PRIM2: variants seen among roughly 807,000 people sequenced by gnomAD.
The protein encoded by PRIM2 is DNA primase subunit 2.
Under a neutral mutation model 67.3 loss-of-function variants are expected in PRIM2, and 39 were observed. The observed-to-expected ratio is 0.58, with a 90% CI of 0.45 to 0.76. PRIM2 has a LOEUF of 0.76. Among genes scored for constraint, PRIM2 ranks in the 30% least tolerant of loss-of-function variants. PRIM2 has a pLI of 0.00. For synonymous variants in PRIM2, 143 were observed against 198.7 expected (o/e 0.72, Z 2.36); for missense variants, 398 against 598.7 (o/e 0.66, Z 3.50).
chr6:57,248,052 A>C, the PRIM2 span, among the ~76,000 whole-genome samples: 2 of 152,324 alleles, frequency 1.3e-5, no homozygotes, highest in African/African-American at 4.8e-5. Flanking sequence ...TCACGTGAGG[A>C]ATTAAGGAGT....
At chr6:57,373,220 TG>T (rs966381181) in intron 5 of PRIM2, among the ~76,000 whole-genome samples, 14 of 151,318 alleles carry the variant, frequency 9.3e-5, no homozygotes, top group African/African-American at 3.2e-4. Context: ...TCACTGACAT[TG>T]TTTTTTTTTT....
rs1260707892 is a variant in PRIM2 at position 57,609,056 on chromosome 6, T to C, written c.1230+2599T>C. ...AAGGAGGACTGGATTTTTACTTAAC[T>C]TTCTGTCTCATAGTAATCCAATGAG... On this transcript the variant is annotated intron_variant, in intron 12 of 13. Transcript: ENST00000615550. 3.2e-4 allele frequency among the ~76,000 whole-genome samples: 49 copies of C among 152,340 alleles called. No homozygotes were observed. In the South Asian group the frequency reaches 9.9e-3, roughly 31 times the overall value.
chr6:57,289,648 A>G, the PRIM2 span, among the ~76,000 whole-genome samples: 3 of 152,348 alleles, frequency 2.0e-5, no homozygotes, highest in South Asian at 2.1e-4. Flanking sequence ...AGGGGCCAAC[A>G]TTCAACATTC....
intron 5 of PRIM2, among the ~76,000 whole-genome samples, chr6:57,378,584 T>G (rs558033270): frequency 6.6e-6 from 1 of 152,322 alleles, no homozygotes; most frequent in Admixed American, 6.5e-5. Context: ...AGGAATACTT[T>G]GAGGTGTAAT....
the PRIM2 span, among the ~76,000 whole-genome samples, chr6:57,300,220 T>A: frequency 2.0e-5 from 3 of 152,226 alleles, no homozygotes; most frequent in African/African-American, 7.2e-5. Flanking sequence ...GACTTGGCTT[T>A]TCAGCCCTTA....
At chr6:57,610,064 T>G (rs1364521475) in intron 12 of PRIM2, among the ~76,000 whole-genome samples, 2 of 152,098 alleles carry the variant, frequency 1.3e-5, no homozygotes, top group East Asian at 3.9e-4. Flanking sequence ...CTATAGGAAA[T>G]CGATGTTTTT....
chr6:57,334,196 G>A (rs1768146945), intron 5 of PRIM2, among the ~76,000 whole-genome samples: 3 of 151,804 alleles, frequency 2.0e-5, no homozygotes, highest in South Asian at 2.1e-4. Flanking sequence ...TTTACTTAAC[G>A]TAATATCCCT....
intron 10 of PRIM2, among the ~76,000 whole-genome samples, chr6:57,585,890 A>G (rs1776179254): frequency 6.6e-6 from 1 of 152,190 alleles, no homozygotes; most frequent in Non-Finnish European, 1.5e-5. Context: ...GTTCCTTTTC[A>G]GTAAAGACGA....
intron 10 of PRIM2, among the ~76,000 whole-genome samples, chr6:57,555,521 C>T (rs1474878460): frequency 6.6e-6 from 1 of 152,192 alleles, no homozygotes; most frequent in Non-Finnish European, 1.5e-5. Context: ...CTCAAGTGAT[C>T]CACCCGCCTC....
chr6:57,233,311 T>C, the PRIM2 span, among the ~76,000 whole-genome samples: 1 of 152,208 alleles, frequency 6.6e-6, no homozygotes, highest in East Asian at 1.9e-4. Context: ...CCATCATACA[T>C]TGAGTGCTGT....
chr6:57,325,476 T>C (rs1581791474), intron 4 of PRIM2, among the ~76,000 whole-genome samples: 1 of 152,224 alleles, frequency 6.6e-6, no homozygotes, highest in South Asian at 2.1e-4. Context: ...AATTTTTTTG[T>C]AGATATGGGG....
chr6:57,346,614 A>G (rs1581813852), intron 5 of PRIM2, among the ~76,000 whole-genome samples: 2 of 152,272 alleles, frequency 1.3e-5, no homozygotes, highest in South Asian at 2.1e-4. Context: ...CACCACGCCC[A>G]GCCATGTATA....
chr6:57,411,791 A>G (rs1771096663), intron 7 of PRIM2, among the ~76,000 whole-genome samples: 1 of 151,958 alleles, frequency 6.6e-6, no homozygotes, highest in Non-Finnish European at 1.5e-5. Context: ...TGTAAGGGCT[A>G]TCTGATTTTG....
chr6:57,476,345 G>C (rs1279007146), intron 7 of PRIM2, among the ~76,000 whole-genome samples: 1 of 152,176 alleles, frequency 6.6e-6, no homozygotes, highest in Admixed American at 6.5e-5. Context: ...AATTCAGCTG[G>C]AATTTAAGTT....
chr6:57,644,259 C>G (rs1777295715), intron 13 of PRIM2, among the ~76,000 whole-genome samples: 1 of 151,884 alleles, frequency 6.6e-6, no homozygotes, highest in Non-Finnish European at 1.5e-5. Flanking sequence ...CCAGGACATT[C>G]CCTCTTTACC....
chr6:57,278,325 A>G, the PRIM2 span, among the ~76,000 whole-genome samples: 1 of 150,808 alleles, frequency 6.6e-6, no homozygotes, highest in Non-Finnish European at 1.5e-5. Flanking sequence ...AGACTGTTTA[A>G]AAAAAAAAAT....
upstream of PRIM2, among the ~76,000 whole-genome samples, chr6:57,313,816 G>A (rs974553316): frequency 1.3e-5 from 2 of 152,164 alleles, no homozygotes; most frequent in African/African-American, 2.4e-5. Flanking sequence ...TTTTCAGGGC[G>A]ACACACCCCG....
At position 57,474,093 on chromosome 6, in the gene PRIM2, A is replaced by G. The variant is rs1773406175; in HGVS notation, c.694-33294A>G. On this transcript the variant is annotated intron_variant, in intron 7 of 13. Coordinates refer to ENST00000615550, the MANE Select transcript of PRIM2 (RefSeq NM_000947.5). Reference sequence around the variant, plus strand: ...AAGGAAAGGAAGCATGATTAAGTATAGACTAATCTTCCAAAGCATCAGTTT... The same window carrying G: ...AAGGAAAGGAAGCATGATTAAGTATGGACTAATCTTCCAAAGCATCAGTTT... Among the ~76,000 whole-genome samples the G allele has an allele frequency of 2.0e-5, 3 of 151,284 alleles. No homozygotes were observed. In the South Asian group the frequency reaches 6.3e-4, roughly 32 times the overall value.
In PRIM2 at chr6:57,593,131, G is replaced by T. The variant is rs1776309950; in HGVS notation, c.1021-7962G>T. Among the ~76,000 whole-genome samples the T allele has an allele frequency of 2.6e-5, 4 of 152,110 alleles. No homozygotes were observed. The South Asian group carries it at 8.3e-4, about 32-fold the overall frequency. ...CTGTCTTTAATAGAAATGCATATTGGTATATTGCCAGTGCCACAGCTGGGA... is the reference window on the plus strand; with the variant it reads ...CTGTCTTTAATAGAAATGCATATTGTTATATTGCCAGTGCCACAGCTGGGA... On this transcript the variant is annotated intron_variant, in intron 10 of 13. Transcript: ENST00000615550.
Sources: allele counts gnomAD v4.1 joint callset (sites outside exome capture counted in the v4.1 genomes callset), GRCh38; gene constraint gnomAD v4.1.1; transcripts MANE v1.5; gene names NCBI Gene and HGNC (gene_info 2026-07-23, HGNC 2026-07-21).